The following CNTNAP2 variants were observed in gnomAD, a reference collection of about 807,000 sequenced individuals.
CNTNAP2 encodes contactin associated protein 2, also known as contactin-associated protein-like 2.
CNTNAP2 carries 98 observed loss-of-function variants against 155.2 expected under a neutral mutation model. The observed-to-expected ratio is 0.63, with a 90% CI of 0.54 to 0.75. CNTNAP2 has a LOEUF of 0.75. Ranked by LOEUF, CNTNAP2 falls within the 30% of genes least tolerant of loss-of-function variation. The probability of loss-of-function intolerance (pLI) is 0.00; values close to 1 mark genes in which losing one functional copy is unlikely to be tolerated. For synonymous variants in CNTNAP2, 651 were observed against 631.2 expected, an observed-to-expected ratio of 1.03 and a Z score of -0.47; for missense variants, 1,727 against 1,688.1, an observed-to-expected ratio of 1.02 and a Z score of -0.40.
intron 3 of CNTNAP2, among the ~76,000 whole-genome samples, chr7:146,856,973 A>G (rs1447779928): frequency 1.3e-5 from 2 of 152,200 alleles, no homozygotes; most frequent in Non-Finnish European, 2.9e-5. Context: ...GTCTTGGATA[A>G]GAAAAGATGC....
At chr7:147,749,750 G>A (rs141090471) in intron 13 of CNTNAP2, among the ~76,000 whole-genome samples, 87 of 152,304 alleles carry the variant, frequency 5.7e-4, no homozygotes, top group African/African-American at 2.0e-3. Context: ...AAAAGAGAGA[G>A]TCTGTGTTAA....
chr7:146,535,289 A>C lies in CNTNAP2; in HGVS notation c.98-238982A>C, dbSNP rs375548116. Reference sequence around the variant, plus strand: ...ATATATATTATATATTATATTATATAATGTATATTATATATGATATTATAT... The same window carrying C: ...ATATATATTATATATTATATTATATCATGTATATTATATATGATATTATAT... On this transcript the variant is annotated intron_variant, in intron 1 of 23. Transcript: ENST00000361727. 3.3e-3 allele frequency among the ~76,000 whole-genome samples: 188 copies of C among 57,148 alleles called. 32 individuals are homozygous for C. Among genetic ancestry groups the C allele is most frequent in the Non-Finnish European group, 4.4e-3 (167 of 38,256 alleles). The allele number at this position is 57,148 out of a possible 152,430, so 37.5% of individuals were successfully genotyped here.
chr7:146,617,822 A>C (rs1417700061), intron 1 of CNTNAP2, among the ~76,000 whole-genome samples: 1 of 152,222 alleles, frequency 6.6e-6, no homozygotes, highest in African/African-American at 2.4e-5. Flanking sequence ...CAGGTCCTGC[A>C]TAATGTAAAA....
At chr7:146,875,962 C>CAA (rs1166787106) in intron 3 of CNTNAP2, among the ~76,000 whole-genome samples, 56 of 74,924 alleles carry the variant, frequency 7.5e-4, no homozygotes, top group Admixed American at 2.2e-3. Flanking sequence ...AAAAAAAAAA[C>CAA]AAAAAACAAA....
chr7:147,330,068 C>T (rs1051537055), intron 9 of CNTNAP2, among the ~76,000 whole-genome samples: 16 of 151,994 alleles, frequency 1.1e-4, no homozygotes, highest in Admixed American at 3.3e-4. Context: ...CAACTTAGGG[C>T]GAAACCCCTA....
rs561410048 is a variant in CNTNAP2 at position 147,386,209 on chromosome 7, TG to T, written c.1499-9397del. ...CCTCCCTAAACCTCCAGGCCTGTGATGGGAGGGGCTGCCGCAAAGTTCTGAC... is the reference window on the plus strand; with the variant it reads ...CCTCCCTAAACCTCCAGGCCTGTGATGGAGGGGCTGCCGCAAAGTTCTGAC... On this transcript the variant is annotated intron_variant, in intron 9 of 23. Coordinates refer to ENST00000361727, the MANE Select transcript of CNTNAP2 (RefSeq NM_014141.6). Among the ~76,000 whole-genome samples, 46 of 152,238 alleles carry T rather than the reference TG, an allele frequency of 3.0e-4. 1 individual carries two copies. Among genetic ancestry groups the T allele is most frequent in the African/African-American group, 1.1e-3 (45 of 41,568 alleles).
intron 1 of CNTNAP2, among the ~76,000 whole-genome samples, chr7:146,458,287 C>T (rs1343763720): frequency 2.6e-5 from 4 of 152,032 alleles, no homozygotes; most frequent in Non-Finnish European, 5.9e-5. Context: ...CACATGTACC[C>T]TGGAACTTAA....
intron 13 of CNTNAP2, among the ~76,000 whole-genome samples, chr7:147,817,939 T>G (rs1798301265): frequency 6.6e-6 from 1 of 151,560 alleles, no homozygotes; most frequent in Non-Finnish European, 1.5e-5. Flanking sequence ...AGAAAAAAAT[T>G]AAGCAGATGT....
chr7:147,528,982 A>G (rs1337104716), intron 11 of CNTNAP2, among the ~76,000 whole-genome samples: 1 of 152,234 alleles, frequency 6.6e-6, no homozygotes, highest in East Asian at 1.9e-4. Flanking sequence ...GGATGAAACC[A>G]TCTTTAATCA....
At chr7:147,807,322 C>CAAAA (rs768465391) in intron 13 of CNTNAP2, among the ~76,000 whole-genome samples, 29 of 64,756 alleles carry the variant, frequency 4.5e-4, no homozygotes, top group Non-Finnish European at 5.0e-4. Context: ...GTCCTTGACT[C>CAAAA]AAAAAAAAAA....
At chr7:147,253,090 A>G (rs1031003641) in intron 8 of CNTNAP2, among the ~76,000 whole-genome samples, 2 of 152,200 alleles carry the variant, frequency 1.3e-5, no homozygotes, top group Non-Finnish European at 2.9e-5. Flanking sequence ...CCTCAGTGGG[A>G]GAGAATAACA....
intron 8 of CNTNAP2, among the ~76,000 whole-genome samples, chr7:147,187,279 T>C (rs1424281610): frequency 6.6e-6 from 1 of 151,994 alleles, no homozygotes; most frequent in Non-Finnish European, 1.5e-5. Flanking sequence ...GGCATAAAGA[T>C]AGAGAGGCTC....
At position 148,141,734 on chromosome 7, in the gene CNTNAP2, G is replaced by T. The variant is rs575762477; in HGVS notation, c.2555-5757G>T. On this transcript the variant is annotated intron_variant, in intron 16 of 23. Coordinates refer to ENST00000361727, the MANE Select transcript of CNTNAP2 (RefSeq NM_014141.6). ...TAAAAATCAGGATTAAAGGGGAAAG[G>T]ACAGCTGAGAGCGAAGTTTGTTATT... Among the ~76,000 whole-genome samples, 264 of 152,338 alleles carry T rather than the reference G, an allele frequency of 1.7e-3. 1 individual carries two copies. The highest frequency in any genetic ancestry group is 5.6e-3 in the African/African-American group (232 of 41,580).
intron 10 of CNTNAP2, among the ~76,000 whole-genome samples, chr7:147,473,808 G>A (rs116896978): frequency 0.033 from 5,073 of 152,208 alleles, 90 homozygotes; most frequent in Non-Finnish European, 0.045. Context: ...ATTCGGGTGC[G>A]GTGGTTCACA....
chr7:146,577,770 G>T (rs1354891835), intron 1 of CNTNAP2, among the ~76,000 whole-genome samples: 2 of 151,864 alleles, frequency 1.3e-5, no homozygotes, highest in Non-Finnish European at 1.5e-5. Flanking sequence ...TAATTATAAA[G>T]AATACAAGTA....
intron 13 of CNTNAP2, among the ~76,000 whole-genome samples, chr7:147,861,795 C>A (rs922239738): frequency 6.6e-6 from 1 of 151,838 alleles, no homozygotes; most frequent in African/African-American, 2.4e-5. Flanking sequence ...GCATGAGGAT[C>A]GCTTGAGGTC....
chr7:147,014,880 T>C (rs1798691455), intron 3 of CNTNAP2, among the ~76,000 whole-genome samples: 1 of 152,214 alleles, frequency 6.6e-6, no homozygotes, highest in Non-Finnish European at 1.5e-5. Flanking sequence ...TAATATGTTA[T>C]TCTCTTTTGT....
intron 3 of CNTNAP2, among the ~76,000 whole-genome samples, chr7:147,041,131 A>G (rs1483991710): frequency 6.6e-6 from 1 of 152,216 alleles, no homozygotes; most frequent in Non-Finnish European, 1.5e-5. Flanking sequence ...AACAAGAACA[A>G]CAACAACAAT....
intron 3 of CNTNAP2, among the ~76,000 whole-genome samples, chr7:146,881,304 A>T (rs541952100): frequency 8.5e-5 from 13 of 152,294 alleles, no homozygotes; most frequent in African/African-American, 3.1e-4. Context: ...TTGTAAAAGC[A>T]GGTTATAGAA....
Sources: gnomAD v4.1 joint callset for allele counts (sites outside exome capture counted in the v4.1 genomes callset) on GRCh38, gnomAD v4.1.1 for gene constraint, MANE v1.5 for transcripts, NCBI Gene and HGNC (gene_info 2026-07-23, HGNC 2026-07-21) for gene names.